The following TNMD variants were observed in gnomAD, a reference collection of about 807,000 sequenced individuals.
The protein encoded by TNMD is tenomodulin.
A neutral mutation model predicts 26.9 loss-of-function variants in TNMD; 15 were observed. The ratio of observed to expected loss-of-function variants is 0.56; its 90% CI spans 0.37 to 0.86. TNMD has a LOEUF of 0.86. Ranked by LOEUF, TNMD falls within the 40% of genes least tolerant of loss-of-function variation. The pLI, the probability that TNMD is intolerant of heterozygous loss-of-function variation, is 0.00. For synonymous variants in TNMD, 73 were observed against 77.0 expected (o/e 0.95, Z 0.27); for missense variants, 222 against 242.6 (o/e 0.92, Z 0.56).
Position 100,594,010 on chromosome X carries a change from CAT to C in TNMD, c.297_298del (p.Leu100GlyfsTer6). ...AGAAGCGGAAATGGCACTGATGAAACATTGGAAGTGCACGACTTTAAAAACGT... is the reference window on the plus strand; with the variant it reads ...AGAAGCGGAAATGGCACTGATGAAACTGGAAGTGCACGACTTTAAAAACGT... On this transcript the variant is annotated frameshift_variant, in exon 3 of 7. Coordinates refer to ENST00000373031, the MANE Select transcript of TNMD (RefSeq NM_022144.3). LOFTEE classifies it high-confidence loss of function. The C allele has an allele frequency of 8.3e-7, 1 of 1,210,050 alleles. No homozygotes were observed. The highest frequency in any genetic ancestry group is 1.7e-5 in the African/African-American group (1 of 57,670).
chrX:100,587,443 G>A (rs984596572), intron 2 of TNMD, among the ~76,000 whole-genome samples: 2 of 112,303 alleles, frequency 1.8e-5, no homozygotes, highest in Non-Finnish European at 3.8e-5. Context: ...TCAGCAAAGG[G>A]ACTCTCAGAA....
At chrX:100,593,717 C>A in intron 2 of TNMD, 178 bp from the exon 3 acceptor site, 1 of 435,063 alleles carries the variant, frequency 2.3e-6, no homozygotes, top group Non-Finnish European at 3.7e-6. Flanking sequence ...CTATCATTTG[C>A]TGTTTAGTCA....
At chrX:100,598,830 T>A (rs1233729554) in intron 5 of TNMD, among the ~76,000 whole-genome samples, 186 bp from the exon 6 acceptor site, 1 of 112,119 alleles carries the variant, frequency 8.9e-6, no homozygotes, top group East Asian at 2.8e-4. Flanking sequence ...GTAGAAATGA[T>A]CAGGCTTGTT....
At position 100,590,010 on chromosome X, in the gene TNMD, A is replaced by G. The variant is rs2082932925; in HGVS notation, c.181-3885A>G. ...AAAGAAGTAGCTTTTTCTTGTTGAA[A>G]AAGAATGTCTGTGCTGCTTATGCCA... On this transcript the variant is annotated intron_variant, in intron 2 of 6. Coordinates refer to ENST00000373031, the MANE Select transcript of TNMD (RefSeq NM_022144.3). 1.8e-5 allele frequency among the ~76,000 whole-genome samples: 2 copies of G among 112,096 alleles called. 1 individual carries two copies. The highest frequency in any genetic ancestry group is 3.8e-5 in the Non-Finnish European group (2 of 53,196).
chrX:100,590,104 C>G (rs1049637423), intron 2 of TNMD, among the ~76,000 whole-genome samples: 1 of 112,331 alleles, frequency 8.9e-6, no homozygotes, highest in Non-Finnish European at 1.9e-5. Flanking sequence ...AACAATCTGT[C>G]TGCTCTGTGT....
intron 5 of TNMD, 23 bp from the exon 6 acceptor site, chrX:100,598,993 C>T: frequency 3.4e-6 from 4 of 1,171,543 alleles, no homozygotes; most frequent in Non-Finnish European, 4.6e-6. Flanking sequence ...AGTTGCATCA[C>T]AACTTTGCAT....
At chrX:100,586,424 G>A (rs2082922146) in intron 2 of TNMD, among the ~76,000 whole-genome samples, 1 of 111,519 alleles carries the variant, frequency 9.0e-6, no homozygotes, top group African/African-American at 3.3e-5. Flanking sequence ...GGAGCAATAG[G>A]AGCAGAGAGA....
intron 4 of TNMD, among the ~76,000 whole-genome samples, chrX:100,596,286 T>A (rs1442412499): frequency 9.0e-6 from 1 of 111,032 alleles, no homozygotes; most frequent in Non-Finnish European, 1.9e-5. Context: ...GTAAGCCGAG[T>A]TTGCGCCACT....
At chrX:100,593,837 C>CA in intron 2 of TNMD, 58 bp from the exon 3 acceptor site, 12 of 1,155,588 alleles carry the variant, frequency 1.0e-5, no homozygotes, top group Non-Finnish European at 1.3e-5. Context: ...CGCCAAAAAG[C>CA]ACCTCACTTT....
chrX:100,591,792 C>G (rs1446295262), intron 2 of TNMD, among the ~76,000 whole-genome samples: 1 of 108,674 alleles, frequency 9.2e-6, no homozygotes, highest in Non-Finnish European at 1.9e-5. Flanking sequence ...TTCTCCCCTA[C>G]CAAAAAAACT....
intron 4 of TNMD, 102 bp from the exon 5 acceptor site, chrX:100,597,402 T>C (rs912774272): frequency 5.0e-6 from 5 of 990,769 alleles, no homozygotes; most frequent in Non-Finnish European, 6.9e-6. Flanking sequence ...AGGATTAAAA[T>C]TGTTACACTC....
intron 2 of TNMD, chrX:100,593,239 A>G: frequency 3.2e-5 from 18 of 565,253 alleles, no homozygotes; most frequent in Non-Finnish European, 3.9e-5. Context: ...TTAATTCCAT[A>G]TACACAAAAG....
At chrX:100,592,815 T>C (rs1335480851) in intron 2 of TNMD, among the ~76,000 whole-genome samples, 1 of 111,979 alleles carries the variant, frequency 8.9e-6, no homozygotes, top group Non-Finnish European at 1.9e-5. Flanking sequence ...TAGAAAGCAA[T>C]GTGGGCTCTG....
intron 2 of TNMD, chrX:100,593,297 C>T (rs1399909554): frequency 1.4e-6 from 1 of 735,258 alleles, no homozygotes; most frequent in East Asian, 1.5e-4. Context: ...GAAACAGAAC[C>T]CAGGAATAAA....
At chrX:100,596,320 C>T (rs372530286) in intron 4 of TNMD, among the ~76,000 whole-genome samples, 1 of 111,679 alleles carries the variant, frequency 9.0e-6, no homozygotes, top group East Asian at 2.8e-4. Context: ...GGTGACAGAG[C>T]GGGACTCAGT....
chrX:100,593,214 C>A, intron 2 of TNMD: 1 of 336,270 alleles, frequency 3.0e-6, no homozygotes, highest in Non-Finnish European at 3.9e-6. Flanking sequence ...ATGCAGGACA[C>A]TTGGCTCAGT....
chrX:100,594,169 A>G, intron 3 of TNMD, 92 bp from the exon 4 acceptor site: 1 of 956,940 alleles, frequency 1.0e-6, no homozygotes, highest in Non-Finnish European at 1.4e-6. Flanking sequence ...ATTTGAATTC[A>G]AATTTTGCTA....
intron 2 of TNMD, 47 bp from the exon 3 acceptor site, chrX:100,593,848 A>C: frequency 1.2e-5 from 14 of 1,188,402 alleles, no homozygotes; most frequent in Non-Finnish European, 1.6e-5. Context: ...ACCTCACTTT[A>C]GGGACACACT....
chrX:100,597,233 G>A (rs775138967), intron 4 of TNMD, among the ~76,000 whole-genome samples: 3 of 111,893 alleles, frequency 2.7e-5, no homozygotes, highest in South Asian at 7.6e-4. Flanking sequence ...TGAAAATAAC[G>A]AAGCCCCTTT....
Sources: gnomAD v4.1 joint callset for allele counts (sites outside exome capture counted in the v4.1 genomes callset) on GRCh38, gnomAD v4.1.1 for gene constraint, MANE v1.5 for transcripts, NCBI Gene and HGNC (gene_info 2026-07-23, HGNC 2026-07-21) for gene names.